The following IQCH variants were observed in gnomAD, a reference collection of about 807,000 sequenced individuals.
IQCH encodes IQ motif containing H, also known as IQ domain-containing protein H.
A neutral mutation model predicts 117.0 loss-of-function variants in IQCH; 98 were observed. That is an observed-to-expected ratio of 0.84 (90% CI 0.71 to 0.99). IQCH has a LOEUF of 0.99. Among genes scored for constraint, IQCH ranks in the 50% least tolerant of loss-of-function variants. The pLI is 0.00. For synonymous variants in IQCH, 412 were observed against 448.2 expected (o/e 0.92, Z 1.02); for missense variants, 1,102 against 1,243.8 (o/e 0.89, Z 1.72).
chr15:67,357,990 C>G (rs1969966470), intron 7 of IQCH, among the ~76,000 whole-genome samples: 1 of 151,704 alleles, frequency 6.6e-6, no homozygotes, highest in Non-Finnish European at 1.5e-5. Context: ...TCCCAGGTAG[C>G]TGGGATTACA....
At chr15:67,290,627 G>C (rs1380414367) in intron 4 of IQCH, among the ~76,000 whole-genome samples, 2 of 151,962 alleles carry the variant, frequency 1.3e-5, no homozygotes, top group African/African-American at 4.8e-5. Context: ...TTGAATAGAA[G>C]AAATACAGCA....
intron 4 of IQCH, among the ~76,000 whole-genome samples, chr15:67,290,216 C>A (rs1391994034): frequency 6.6e-6 from 1 of 152,058 alleles, no homozygotes; most frequent in African/African-American, 2.4e-5. Flanking sequence ...CAGAGCTTTT[C>A]AGTACCTGAA....
intron 4 of IQCH, among the ~76,000 whole-genome samples, chr15:67,314,501 A>T (rs62694760): frequency 7.0e-6 from 1 of 141,902 alleles, no homozygotes; most frequent in East Asian, 2.0e-4. Flanking sequence ...AAAAAAAAAA[A>T]GGAAAAGTGG....
intron 4 of IQCH, among the ~76,000 whole-genome samples, chr15:67,333,709 A>C (rs938059181): frequency 6.6e-6 from 1 of 152,180 alleles, no homozygotes. Flanking sequence ...ATTCTGGCTG[A>C]TGGGAATATG....
chr15:67,470,007 T>A (rs915924794), intron 17 of IQCH, among the ~76,000 whole-genome samples: 2 of 152,246 alleles, frequency 1.3e-5, no homozygotes, highest in Non-Finnish European at 2.9e-5. Flanking sequence ...GAGAAAGCTC[T>A]TCTTTGAAAA....
rs146539454 is a variant in IQCH, at chr15:67,361,699, C to G, written c.753+1814C>G. On this transcript the variant is annotated intron_variant, in intron 8 of 20. Transcript: ENST00000335894. Reference sequence around the variant, plus strand: ...TCGGCTCCGACTTTAACAGCCTTTTCTATCTTATAGCTCAGTTAACCAAAC... The same window carrying G: ...TCGGCTCCGACTTTAACAGCCTTTTGTATCTTATAGCTCAGTTAACCAAAC... Among the ~76,000 whole-genome samples the G allele has an allele frequency of 5.5e-3, 837 of 152,300 alleles. 9 individuals carry two copies. Among genetic ancestry groups the G allele is most frequent in the African/African-American group, 0.019 (801 of 41,548 alleles).
intron 2 of IQCH, among the ~76,000 whole-genome samples, chr15:67,262,698 T>C (rs1479177720): frequency 6.6e-6 from 1 of 152,058 alleles, no homozygotes; most frequent in East Asian, 1.9e-4. Context: ...GGCTGGGCAA[T>C]ATAGGGAAAC....
Position 67,376,563 on chromosome 15 carries a change from TG to T in IQCH, c.1372+3134del, listed in dbSNP as rs1439521971. On this transcript the variant is annotated intron_variant, in intron 10 of 20. Coordinates refer to ENST00000335894, the MANE Select transcript of IQCH (RefSeq NM_001031715.3). The surrounding 1 kb of genome is among the most constrained non-coding windows in gnomAD (Gnocchi z 5.0). ...TAATTACACCATGCTGCTAGCCAATTGGGGCTGCACTAACTTGTTTGAACCC... is the reference window on the plus strand; with the variant it reads ...TAATTACACCATGCTGCTAGCCAATTGGGCTGCACTAACTTGTTTGAACCC... Among the ~76,000 whole-genome samples, 1 of 152,176 alleles carries T rather than the reference TG, an allele frequency of 6.6e-6. No homozygotes were observed. The highest frequency in any genetic ancestry group is 6.5e-5 in the Admixed American group (1 of 15,278).
chr15:67,498,084 A>G (rs1567239350), intron 20 of IQCH, among the ~76,000 whole-genome samples: 1 of 152,208 alleles, frequency 6.6e-6, no homozygotes, highest in Non-Finnish European at 1.5e-5. Flanking sequence ...TGGAGAAGTC[A>G]CACTTCTCAA....
chr15:67,269,960 C>G (rs1965834869), intron 3 of IQCH, among the ~76,000 whole-genome samples: 1 of 152,140 alleles, frequency 6.6e-6, no homozygotes, highest in Admixed American at 6.5e-5. Flanking sequence ...CTGGAAATCT[C>G]TCTTCAATAT....
chr15:67,419,182 A>T (rs1205033979), intron 15 of IQCH, among the ~76,000 whole-genome samples: 1 of 152,216 alleles, frequency 6.6e-6, no homozygotes, highest in Non-Finnish European at 1.5e-5. Flanking sequence ...CTTCATGAAG[A>T]CACTGAAGCT....
chr15:67,301,622 C>G (rs948455988), intron 4 of IQCH, among the ~76,000 whole-genome samples: 2 of 151,920 alleles, frequency 1.3e-5, no homozygotes, highest in South Asian at 4.2e-4. Flanking sequence ...GTTGGCCAGG[C>G]TGGTCTCGAA....
chr15:67,274,985 C>G (rs1966063555), intron 3 of IQCH, among the ~76,000 whole-genome samples: 1 of 152,122 alleles, frequency 6.6e-6, no homozygotes, highest in Non-Finnish European at 1.5e-5. Context: ...GGTCAGCTGG[C>G]CAAGGGTTTG....
At chr15:67,323,239 A>AT (rs578260011) in intron 4 of IQCH, among the ~76,000 whole-genome samples, 30,971 of 98,960 alleles carry the variant, frequency 0.31, 5,292 homozygotes, top group African/African-American at 0.4. Flanking sequence ...TTAGGGTTAC[A>AT]TTTTTTTTTT....
At chr15:67,328,801 A>G (rs35593003) in intron 4 of IQCH, among the ~76,000 whole-genome samples, 3 of 152,234 alleles carry the variant, frequency 2.0e-5, no homozygotes, top group African/African-American at 7.2e-5. Flanking sequence ...AAGAATACAT[A>G]CTGTAATAAT....
chr15:67,320,104 GTGGAGTCAT>G (rs1475931782), intron 4 of IQCH, among the ~76,000 whole-genome samples: 1 of 152,226 alleles, frequency 6.6e-6, no homozygotes, highest in African/African-American at 2.4e-5. Context: ...GCAAAGCCCA[GTGGAGTCAT>G]TGAAGTAAAA....
rs766751418 is a variant in IQCH at position 67,421,297 on chromosome 15, T to G, written c.2225T>G (p.Val742Gly). 2 of 1,613,048 alleles carry G rather than the reference T, an allele frequency of 1.2e-6. No homozygotes were observed. The highest frequency in any genetic ancestry group is 2.2e-5 in the South Asian group (2 of 90,976). The part of the protein sequence containing the change: ...FLQTFLSQGG[V>G]IEAFPPADNV... ...TCCATGTTTTTCCCACCAGGGGGTGTGATCGAAGCATTCCCACCTGCAGAC... is the reference window on the plus strand; with the variant it reads ...TCCATGTTTTTCCCACCAGGGGGTGGGATCGAAGCATTCCCACCTGCAGAC... Residue 742 changes from valine to glycine, a missense_variant, in exon 16 of 21, where the codon GTG becomes GGG. Val to Gly is a moderately radical substitution (Grantham distance 109, BLOSUM62 -3). Around this residue, in one of 2 missense-constraint regions of IQCH, gnomAD observed 650 missense variants for 794.3 expected, o/e 0.82. Coordinates refer to ENST00000335894, the MANE Select transcript of IQCH (RefSeq NM_001031715.3).
At chr15:67,288,034 A>T (rs754872555) in intron 4 of IQCH, among the ~76,000 whole-genome samples, 1 of 152,052 alleles carries the variant, frequency 6.6e-6, no homozygotes, top group Non-Finnish European at 1.5e-5. Context: ...TTTACTTTCC[A>T]TGTATTTATG....
chr15:67,267,685 A>G (rs766220683), intron 3 of IQCH, among the ~76,000 whole-genome samples: 2 of 152,240 alleles, frequency 1.3e-5, no homozygotes, highest in South Asian at 2.1e-4. Context: ...GAGGGGAGGC[A>G]TATAATGACT....
Sources: allele counts gnomAD v4.1 joint callset (sites outside exome capture counted in the v4.1 genomes callset), GRCh38; gene constraint gnomAD v4.1.1; regional missense constraint gnomAD v4.1.1; non-coding constraint Gnocchi (gnomAD v3.1); transcripts MANE v1.5; gene names NCBI Gene and HGNC (gene_info 2026-07-23, HGNC 2026-07-21).